Variants in CLSTN2 observed in about 807,000 individuals in gnomAD.
CLSTN2 encodes calsyntenin-2.
Under a neutral mutation model 101.2 loss-of-function variants are expected in CLSTN2, and 48 were observed. The ratio of observed to expected loss-of-function variants is 0.47; its 90% CI spans 0.38 to 0.60. The LOEUF is 0.60. Among genes scored for constraint, CLSTN2 ranks in the 20% least tolerant of loss-of-function variants. The pLI is 0.00. For missense variants in CLSTN2, 1,160 were observed against 1,238.2 expected (o/e 0.94, Z 0.95); for synonymous variants, 481 against 463.6 (o/e 1.04, Z -0.48).
intron 4 of CLSTN2, among the ~76,000 whole-genome samples, chr3:140,420,329 GC>G (rs2088486778): frequency 1.3e-5 from 2 of 150,438 alleles, no homozygotes; most frequent in Non-Finnish European, 2.9e-5. Flanking sequence ...ATTATTCTCA[GC>G]AAAATATTTT....
chr3:140,531,591 A>G (rs1935255702), intron 8 of CLSTN2, among the ~76,000 whole-genome samples: 2 of 152,120 alleles, frequency 1.3e-5, no homozygotes. Context: ...AGCGTGAAGG[A>G]GAGTCCAGCA....
intron 2 of CLSTN2, among the ~76,000 whole-genome samples, chr3:140,241,910 T>C (rs556043732): frequency 0.045 from 6,222 of 138,920 alleles, 264 homozygotes; most frequent in African/African-American, 0.12. Flanking sequence ...CACACATATA[T>C]ATATATATAT....
chr3:140,037,544 C>CTT (rs567525086), intron 1 of CLSTN2, among the ~76,000 whole-genome samples: 2,570 of 142,920 alleles, frequency 0.018, 71 homozygotes, highest in African/African-American at 0.056. Context: ...ATGCATTCGT[C>CTT]TTTTTTTTTT....
chr3:140,178,991 A>AT (rs535891624), intron 2 of CLSTN2, among the ~76,000 whole-genome samples: 3 of 151,910 alleles, frequency 2.0e-5, no homozygotes, highest in African/African-American at 4.8e-5. Context: ...TCCCCCTTTA[A>AT]TTTTTTTTAA....
chr3:140,354,528 G>T (rs1576529209), intron 2 of CLSTN2, among the ~76,000 whole-genome samples: 1 of 152,200 alleles, frequency 6.6e-6, no homozygotes, highest in African/African-American at 2.4e-5. Context: ...CACTCTTGGT[G>T]GAAAAGGATC....
intron 1 of CLSTN2, among the ~76,000 whole-genome samples, chr3:140,008,127 T>A (rs1025992940): frequency 6.6e-6 from 1 of 152,228 alleles, no homozygotes; most frequent in Non-Finnish European, 1.5e-5. Flanking sequence ...CACACATGAA[T>A]GCCTGATTTC....
intron 2 of CLSTN2, among the ~76,000 whole-genome samples, chr3:140,368,421 C>T (rs181146725): frequency 6.6e-6 from 1 of 152,276 alleles, no homozygotes; most frequent in East Asian, 1.9e-4. Context: ...CTAGCCATTA[C>T]AGGCTGGATG....
intron 5 of CLSTN2, among the ~76,000 whole-genome samples, chr3:140,428,714 T>A (rs1212359383): frequency 6.6e-6 from 1 of 152,196 alleles, no homozygotes. Flanking sequence ...CAATAAGATA[T>A]CCTATTTAAA....
chr3:139,968,366 C>G (rs1935639080), intron 1 of CLSTN2, among the ~76,000 whole-genome samples: 1 of 152,138 alleles, frequency 6.6e-6, no homozygotes, highest in South Asian at 2.1e-4. Flanking sequence ...GATTGAAGAC[C>G]CCTGTCATAA....
intron 6 of CLSTN2, chr3:140,449,952 C>G (rs1454382236): frequency 6.6e-6 from 1 of 152,236 alleles, no homozygotes; most frequent in Non-Finnish European, 1.5e-5. Context: ...TTGTGAGGGA[C>G]AGAGAGGGCT....
intron 4 of CLSTN2, among the ~76,000 whole-genome samples, chr3:140,415,485 G>GAAAAAAAAAAAAAAAAAAAAAAAA: frequency 9.5e-5 from 1 of 10,560 alleles, no homozygotes; most frequent in South Asian, 2.5e-3. Context: ...ACACAAAATA[G>GAAAAAAAAAAAAAAAAAAAAAAAA]CAAAAAAAAA....
At chr3:140,490,582 G>A (rs1446335796) in intron 8 of CLSTN2, among the ~76,000 whole-genome samples, 4 of 139,720 alleles carry the variant, frequency 2.9e-5, no homozygotes, top group Non-Finnish European at 4.6e-5. Context: ...GTGACAGAGC[G>A]AGACCTTGTC....
At chr3:140,363,029 T>C (rs2087746315) in intron 2 of CLSTN2, among the ~76,000 whole-genome samples, 1 of 152,112 alleles carries the variant, frequency 6.6e-6, no homozygotes, top group South Asian at 2.1e-4. Flanking sequence ...GACTTGTACA[T>C]GAATATTAAT....
intron 2 of CLSTN2, among the ~76,000 whole-genome samples, chr3:140,292,259 G>A (rs2086961827): frequency 6.6e-6 from 1 of 152,086 alleles, no homozygotes; most frequent in Non-Finnish European, 1.5e-5. Flanking sequence ...CCTCCTCCTG[G>A]GAGCTGTTGC....
At chr3:140,302,954 C>T (rs1010320540) in intron 2 of CLSTN2, among the ~76,000 whole-genome samples, 1 of 152,166 alleles carries the variant, frequency 6.6e-6, no homozygotes, top group Non-Finnish European at 1.5e-5. Context: ...ATTCCTCCGC[C>T]ATTGCTGAGT....
chr3:139,973,415 G>T (rs1935751381), intron 1 of CLSTN2, among the ~76,000 whole-genome samples: 1 of 152,190 alleles, frequency 6.6e-6, no homozygotes, highest in African/African-American at 2.4e-5. Context: ...GCTCATCTCA[G>T]TAGAGCTTTC....
intron 2 of CLSTN2, among the ~76,000 whole-genome samples, chr3:140,179,095 A>G (rs2107830482): frequency 6.6e-6 from 1 of 152,232 alleles, no homozygotes; most frequent in South Asian, 2.1e-4. Flanking sequence ...AAATATTATG[A>G]TTGCATTTTG....
rs549098352 is a variant in CLSTN2, at chr3:140,174,516, C to T, written c.110-1435C>T. On this transcript the variant is annotated intron_variant, in intron 1 of 16. Transcript: ENST00000458420. ...ATCTTTTCAGCAATGCCCCACTCTA[C>T]TGGTACCAATTCACTGTATTAGTAT... Among the ~76,000 whole-genome samples, 6 of 152,298 alleles carry T rather than the reference C, an allele frequency of 3.9e-5. No individual in the cohort carries two copies. In the South Asian group the frequency reaches 1.2e-3, roughly 32 times the overall value.
intron 8 of CLSTN2, among the ~76,000 whole-genome samples, chr3:140,481,637 G>A (rs905477520): frequency 1.3e-5 from 2 of 152,188 alleles, no homozygotes; most frequent in Admixed American, 1.3e-4. Flanking sequence ...GCTGTGGTTT[G>A]TAGTTCTCCT....
Sources: gnomAD v4.1 joint callset for allele counts (sites outside exome capture counted in the v4.1 genomes callset) on GRCh38, gnomAD v4.1.1 for gene constraint, MANE v1.5 for transcripts, NCBI Gene and HGNC (gene_info 2026-07-23, HGNC 2026-07-21) for gene names.